KCNMA1: variants seen among roughly 807,000 people sequenced by gnomAD.
The protein encoded by KCNMA1 is Calcium-activated potassium channel subunit alpha-1.
Under a neutral mutation model 140.0 loss-of-function variants are expected in KCNMA1, and 29 were observed. The ratio of observed to expected loss-of-function variants is 0.21; its 90% confidence interval spans 0.15 to 0.28. The LOEUF is 0.28. Ranked by LOEUF, KCNMA1 falls within the 10% of genes least tolerant of loss-of-function variation. The probability of loss-of-function intolerance (pLI) is 1.00; values close to 1 mark genes in which losing one functional copy is unlikely to be tolerated. For synonymous variants in KCNMA1, 612 were observed against 611.9 expected (o/e 1.00, Z 0.00); for missense variants, 880 against 1,602.2 (o/e 0.55, Z 7.70).
At chr10:77,478,157 C>G (rs767040296) in intron 1 of KCNMA1, among the ~76,000 whole-genome samples, 1 of 152,076 alleles carries the variant, frequency 6.6e-6, no homozygotes, top group Non-Finnish European at 1.5e-5. Flanking sequence ...TAATATTTAC[C>G]CTGCTTGCGT....
At chr10:77,253,507 G>A (rs1372697100) in intron 2 of KCNMA1, among the ~76,000 whole-genome samples, 3 of 152,222 alleles carry the variant, frequency 2.0e-5, no homozygotes, top group African/African-American at 7.2e-5. Flanking sequence ...GCCTCCACTT[G>A]GAGTCAGTGA....
At chr10:76,996,507 G>C (rs1287006712) in intron 19 of KCNMA1, among the ~76,000 whole-genome samples, 1 of 152,190 alleles carries the variant, frequency 6.6e-6, no homozygotes, top group Non-Finnish European at 1.5e-5. Context: ...GAAGTACAAA[G>C]GGTCAAATCA....
intron 3 of KCNMA1, among the ~76,000 whole-genome samples, chr10:77,201,252 G>C (rs2042349794): frequency 6.6e-6 from 1 of 152,164 alleles, no homozygotes; most frequent in Non-Finnish European, 1.5e-5. Context: ...TGGTAAATCA[G>C]AAACAGGAAA....
At chr10:77,449,932 A>G (rs967590209) in intron 1 of KCNMA1, among the ~76,000 whole-genome samples, 4 of 149,196 alleles carry the variant, frequency 2.7e-5, no homozygotes, top group Non-Finnish European at 5.9e-5. Flanking sequence ...GTGAGCCACC[A>G]CGCCTGGCCT....
At chr10:76,878,086 GC>G in intron 29 of KCNMA1, among the ~76,000 whole-genome samples, 1 of 152,296 alleles carries the variant, frequency 6.6e-6, no homozygotes, top group South Asian at 2.1e-4. Context: ...GCTTCCTGTA[GC>G]AAGTGATGAA....
intron 1 of KCNMA1, among the ~76,000 whole-genome samples, chr10:77,537,184 T>G (rs1470851566): frequency 6.6e-6 from 1 of 152,156 alleles, no homozygotes; most frequent in Non-Finnish European, 1.5e-5. Flanking sequence ...CTCCCAAGAC[T>G]TCTGAATGCT....
chr10:77,505,437 T>C (rs1337276116), intron 1 of KCNMA1, among the ~76,000 whole-genome samples: 4 of 152,188 alleles, frequency 2.6e-5, no homozygotes, highest in African/African-American at 9.7e-5. Context: ...CCAAAAACCC[T>C]AACAGAAGAT....
chr10:77,322,958 A>G (rs1386480872), intron 2 of KCNMA1, among the ~76,000 whole-genome samples: 1 of 152,172 alleles, frequency 6.6e-6, no homozygotes, highest in Admixed American at 6.5e-5. Context: ...GAAAGAATTT[A>G]CCCCTGAGGA....
At chr10:77,406,599 C>T (rs999680194) in intron 1 of KCNMA1, among the ~76,000 whole-genome samples, 3 of 152,074 alleles carry the variant, frequency 2.0e-5, no homozygotes, top group African/African-American at 7.2e-5. Context: ...CTTTGGGGAC[C>T]ACAGCTCCTG....
chr10:77,240,107 G>T (rs1764144200), intron 3 of KCNMA1, among the ~76,000 whole-genome samples: 1 of 152,164 alleles, frequency 6.6e-6, no homozygotes, highest in African/African-American at 2.4e-5. Flanking sequence ...TATAAAAAAA[G>T]AATCTGACAA....
intron 5 of KCNMA1, among the ~76,000 whole-genome samples, chr10:77,170,445 C>A (rs983302750): frequency 6.6e-6 from 1 of 151,858 alleles, no homozygotes; most frequent in African/African-American, 2.4e-5. Flanking sequence ...GGAGGTGAGG[C>A]TCCATCCCTG....
chr10:77,451,709 C>CA lies in KCNMA1; in HGVS notation c.379-47687dup, dbSNP rs558670131. Among the ~76,000 whole-genome samples, 146 of 152,270 alleles carry CA rather than the reference C, an allele frequency of 9.6e-4. 3 individuals carry two copies. The South Asian group carries it at 0.03, about 31-fold the overall frequency. On this transcript the variant is annotated intron_variant, in intron 1 of 27. Coordinates refer to ENST00000286628, the MANE Select transcript of KCNMA1 (RefSeq NM_001161352.2). ...GCAACATGTGAATCACATGTTCAAG[C>CA]ACCTGCCTCACCTGTTTTATGGGCA...
At chr10:76,891,947 AG>A (rs1394559624) in intron 25 of KCNMA1, among the ~76,000 whole-genome samples, 3 of 152,150 alleles carry the variant, frequency 2.0e-5, no homozygotes, top group Non-Finnish European at 2.9e-5. Flanking sequence ...AACCCAGTTC[AG>A]GGGATTTTTT....
At chr10:77,395,181 T>C (rs1322444251) in intron 2 of KCNMA1, among the ~76,000 whole-genome samples, 1 of 151,668 alleles carries the variant, frequency 6.6e-6, no homozygotes, top group Non-Finnish European at 1.5e-5. Context: ...ACCCCATCAG[T>C]ACAAAAAATT....
chr10:77,160,060 T>C (rs1234770918), intron 5 of KCNMA1, among the ~76,000 whole-genome samples: 1 of 152,182 alleles, frequency 6.6e-6, no homozygotes, highest in Non-Finnish European at 1.5e-5. Context: ...ACTGTGCATC[T>C]GCAGGACACG....
chr10:77,559,002 C>G (rs577195357), intron 1 of KCNMA1, among the ~76,000 whole-genome samples: 115 of 152,272 alleles, frequency 7.6e-4, no homozygotes, highest in Admixed American at 3.3e-3. Context: ...TCCAGGGCTA[C>G]GCTGGGAGTA....
rs139444902 is a variant in KCNMA1, at chr10:77,197,923, G to A, written c.603-13007C>T. Among the ~76,000 whole-genome samples the A allele has an allele frequency of 3.3e-3, 497 of 152,280 alleles. 4 individuals carry two copies. The highest frequency in any genetic ancestry group is 0.011 in the African/African-American group (469 of 41,556). On this transcript the variant is annotated intron_variant, in intron 3 of 27. Coordinates refer to ENST00000286628, the MANE Select transcript of KCNMA1 (RefSeq NM_001161352.2). The stretch of plus-strand genomic sequence containing the variant: ...CTCTAAACAGAACACTGTACAGAGC[G>A]CTGGCATTACACGCGAGAAGAGGCA...
intron 5 of KCNMA1, among the ~76,000 whole-genome samples, chr10:77,151,469 GCC>G (rs34844470): frequency 2.6e-5 from 4 of 152,092 alleles, no homozygotes; most frequent in African/African-American, 4.8e-5. Flanking sequence ...CTTGTGATCT[GCC>G]CCCCCTTGCC....
chr10:77,181,796 A>T (rs1271191930), intron 5 of KCNMA1, among the ~76,000 whole-genome samples: 1 of 152,186 alleles, frequency 6.6e-6, no homozygotes, highest in African/African-American at 2.4e-5. Flanking sequence ...ATAAGCAAAA[A>T]ATCCAGTCTA....
Sources: allele counts gnomAD v4.1 joint callset (sites outside exome capture counted in the v4.1 genomes callset), GRCh38; gene constraint gnomAD v4.1.1; transcripts MANE v1.5; gene names NCBI Gene and HGNC (gene_info 2026-07-23, HGNC 2026-07-21).